The following ZNF729 variants were observed in gnomAD, a reference collection of about 807,000 sequenced individuals.
ZNF729 encodes the protein zinc finger protein 729.
In ZNF729, 15 loss-of-function variants were observed where a neutral mutation model predicts 12.2. That is an observed-to-expected ratio of 1.23 (90% CI 0.82 to 1.89). The LOEUF (loss-of-function observed/expected upper bound fraction) is 1.89. Among genes scored for constraint, ZNF729 ranks in the 40% most tolerant of loss-of-function variants. The pLI is 0.00. For missense variants in ZNF729, 1,540 were observed against 1,456.7 expected (o/e 1.06, Z -0.93); for synonymous variants, 492 against 476.3 (o/e 1.03, Z -0.43).
chr19:22,287,822 C>G (rs1199963553), intron 1 of ZNF729, among the ~76,000 whole-genome samples: 1 of 151,448 alleles, frequency 6.6e-6, no homozygotes, highest in Non-Finnish European at 1.5e-5. Context: ...CAATTTTTTC[C>G]TCTCTGATTC....
At chr19:22,298,868 T>A (rs1374377023) in intron 1 of ZNF729, 1 of 152,122 alleles carries the variant, frequency 6.6e-6, no homozygotes, top group African/African-American at 2.4e-5. Flanking sequence ...ACAGGAGAAA[T>A]AAACACAGAT....
At position 22,316,299 on chromosome 19, in the gene ZNF729, A is replaced by T; in HGVS notation, c.2882A>T (p.Lys961Met). The change falls in exon 4 of 4, where the codon AAG becomes ATG. Residue 961 changes from lysine to methionine, a missense_variant. Lys to Met is a moderately conservative substitution (Grantham distance 95). Transcript: ENST00000601693. Reference protein sequence around the residue: ...LMKHKIIHTGKKPYKCAECGK... With the variant: ...LMKHKIIHTGMKPYKCAECGK... Reference sequence around the variant, plus strand: ...AAGCATAAGATAATTCATACTGGGAAGAAACCATACAAATGTGCAGAATGT... The same window carrying T: ...AAGCATAAGATAATTCATACTGGGATGAAACCATACAAATGTGCAGAATGT... The T allele has an allele frequency of 6.2e-7, 1 of 1,613,706 alleles. No individual in the cohort carries two copies. Among genetic ancestry groups the T allele is most frequent in the Non-Finnish European group, 8.5e-7 (1 of 1,179,726 alleles).
Position 22,313,965 on chromosome 19 carries a change from T to C in ZNF729, c.548T>C (p.Ile183Thr), listed in dbSNP as rs1198662267. Residue 183 changes from isoleucine (I) to threonine (T), a missense_variant, in exon 4 of 4, where the codon ATA (isoleucine) becomes ACA (threonine). Ile to Thr is a moderately conservative substitution (Grantham distance 89). Coordinates refer to ENST00000601693, the MANE Select transcript of ZNF729 (RefSeq NM_001242680.2). Reference protein sequence around the residue: ...RHTKKKTFKCIKCSKSFFMLS... With the variant: ...RHTKKKTFKCTKCSKSFFMLS... ...ACTAAAAAGAAAACTTTCAAATGTATAAAATGTAGCAAATCATTTTTCATG... is the reference window on the plus strand; with the variant it reads ...ACTAAAAAGAAAACTTTCAAATGTACAAAATGTAGCAAATCATTTTTCATG... 4 of 1,537,916 alleles carry C rather than the reference T, an allele frequency of 2.6e-6. No homozygotes were observed. Among genetic ancestry groups the C allele is most frequent in the East Asian group, 4.9e-5 (2 of 40,822 alleles).
chr19:22,315,437 C>G lies in ZNF729; in HGVS notation c.2020C>G (p.His674Asp), dbSNP rs201806596. ...AFSHFSALRRHKIIHTGKKPY... is the reference protein window; with the variant it reads ...AFSHFSALRRDKIIHTGKKPY... Reference sequence around the variant, plus strand: ...TAGCCATTTCTCAGCCCTTAGAAGACATAAGATAATTCATACTGGAAAGAA... The same window carrying G: ...TAGCCATTTCTCAGCCCTTAGAAGAGATAAGATAATTCATACTGGAAAGAA... Residue 674 changes from histidine to aspartate, a missense_variant, in exon 4 of 4, where the codon CAT (histidine) becomes GAT (aspartate). Coordinates refer to ENST00000601693, the MANE Select transcript of ZNF729 (RefSeq NM_001242680.2). 13 of 1,612,420 alleles carry G rather than the reference C, an allele frequency of 8.1e-6. No homozygotes were observed. Among genetic ancestry groups the G allele is most frequent in the Non-Finnish European group, 9.3e-6 (11 of 1,179,438 alleles).
At chr19:22,289,624 T>C (rs1186431177) in intron 1 of ZNF729, among the ~76,000 whole-genome samples, 1 of 152,174 alleles carries the variant, frequency 6.6e-6, no homozygotes, top group African/African-American at 2.4e-5. Context: ...GCTTAACTTT[T>C]AGAATGCTAC....
At chr19:22,295,118 ATGT>A (rs1968212321) in intron 1 of ZNF729, among the ~76,000 whole-genome samples, 1 of 150,460 alleles carries the variant, frequency 6.6e-6, no homozygotes, top group Non-Finnish European at 1.5e-5. Flanking sequence ...TTTGGCTTGC[ATGT>A]TGTTAATATA....
At chr19:22,301,556 A>T (rs1968305011) in intron 1 of ZNF729, among the ~76,000 whole-genome samples, 1 of 152,294 alleles carries the variant, frequency 6.6e-6, no homozygotes, top group Admixed American at 6.5e-5. Flanking sequence ...CCAAACTTTG[A>T]ATTGAGAGTA....
chr19:22,295,719 A>T (rs553708624), intron 1 of ZNF729, among the ~76,000 whole-genome samples: 1 of 152,280 alleles, frequency 6.6e-6, no homozygotes, highest in South Asian at 2.1e-4. Flanking sequence ...GTTTTCAAAG[A>T]TAAACGCTTT....
intron 3 of ZNF729, among the ~76,000 whole-genome samples, chr19:22,310,826 C>T (rs1968441792): frequency 6.6e-6 from 1 of 152,002 alleles, no homozygotes; most frequent in South Asian, 2.1e-4. Flanking sequence ...TGGTCCTAGA[C>T]TTTTTTTGTG....
chr19:22,314,743 C>A lies in ZNF729; in HGVS notation c.1326C>A (p.Asn442Lys), dbSNP rs1359970456. ...GTGAAGAATGTGGCAAAGCTTTTAACAGTTCCTCAACCCTTATGAAACATA... is the reference window on the plus strand; with the variant it reads ...GTGAAGAATGTGGCAAAGCTTTTAAAAGTTCCTCAACCCTTATGAAACATA... ...YKCEECGKAFNSSSTLMKHKI... is the reference protein window; with the variant it reads ...YKCEECGKAFKSSSTLMKHKI... The change falls in exon 4 of 4, where the codon AAC becomes AAA. Residue 442 changes from asparagine (N) to lysine (K), a missense_variant. Asn to Lys is a moderately conservative substitution (Grantham distance 94). Transcript: ENST00000601693. 1 of 1,612,592 alleles carries A rather than the reference C, an allele frequency of 6.2e-7. No individual in the cohort carries two copies. The highest frequency in any genetic ancestry group is 1.3e-5 in the African/African-American group (1 of 74,656).
intron 1 of ZNF729, among the ~76,000 whole-genome samples, chr19:22,288,890 T>C (rs1271392398): frequency 6.6e-6 from 1 of 152,046 alleles, no homozygotes; most frequent in Non-Finnish European, 1.5e-5. Flanking sequence ...AAAACAGTGA[T>C]CCAGTGAGAT....
chr19:22,293,048 A>G (rs1454975093), intron 1 of ZNF729, among the ~76,000 whole-genome samples: 9 of 152,200 alleles, frequency 5.9e-5, no homozygotes, highest in Admixed American at 1.3e-4. Flanking sequence ...TTGTAATAAC[A>G]GCCATTTTGA....
chr19:22,305,400 A>G (rs1387832138), intron 3 of ZNF729, among the ~76,000 whole-genome samples: 21 of 152,108 alleles, frequency 1.4e-4, no homozygotes, highest in Admixed American at 1.4e-3. Context: ...TGAATTTTCT[A>G]TTTTTTATTA....
intron 3 of ZNF729, among the ~76,000 whole-genome samples, chr19:22,307,486 G>A (rs1394269270): frequency 6.6e-6 from 1 of 151,436 alleles, no homozygotes; most frequent in East Asian, 1.9e-4. Flanking sequence ...GCTTATGCCT[G>A]TAATCCCAGC....
At chr19:22,291,311 T>TA (rs1039219910) in intron 1 of ZNF729, among the ~76,000 whole-genome samples, 7 of 152,222 alleles carry the variant, frequency 4.6e-5, no homozygotes, top group South Asian at 2.1e-4. Flanking sequence ...TGAGAGAGGA[T>TA]AAAAACTTAG....
intron 1 of ZNF729, among the ~76,000 whole-genome samples, chr19:22,300,893 A>G (rs7245650): frequency 0.46 from 70,342 of 151,986 alleles, 16,778 homozygotes; most frequent in Middle Eastern, 0.56. Context: ...ATCCATTCAG[A>G]ACCTAAAACT....
chr19:22,304,812 A>G (rs1272216872), intron 3 of ZNF729, 29 bp downstream of exon 3: 2 of 1,606,146 alleles, frequency 1.2e-6, no homozygotes, highest in Non-Finnish European at 1.7e-6. Flanking sequence ...AACAGACAAC[A>G]CAGATAAGAG....
In ZNF729 at chr19:22,315,029, C is replaced by G. The variant is rs1568577729; in HGVS notation, c.1612C>G (p.His538Asp). The change falls in exon 4 of 4, where the codon CAT becomes GAT. Residue 538 changes from histidine (H) to aspartate (D), a missense_variant. Coordinates refer to ENST00000601693, the MANE Select transcript of ZNF729 (RefSeq NM_001242680.2). Reference sequence around the variant, plus strand: ...AACCCTTAGAAACCATCAGATAATTCATACTGGAGAGAAACCCTACAAATG... The same window carrying G: ...AACCCTTAGAAACCATCAGATAATTGATACTGGAGAGAAACCCTACAAATG... The part of the protein sequence containing the change: ...SSTLRNHQII[H>D]TGEKPYKCEE... 6.2e-7 allele frequency: 1 copy of G among 1,611,472 alleles called. No individual in the cohort carries two copies. The highest frequency in any genetic ancestry group is 8.5e-7 in the Non-Finnish European group (1 of 1,179,754).
Position 22,314,413 on chromosome 19 carries a change from C to T in ZNF729, c.996C>T (p.Phe332=). Residue 332 remains phenylalanine (F), a synonymous_variant, in exon 4 of 4, where the codon TTC becomes TTT. Transcript: ENST00000601693. ...ATTGTGGCAAAACTTTTAACCATTTCTCAGCCCTTAGAAAACATAAGATAA... is the reference window on the plus strand; with the variant it reads ...ATTGTGGCAAAACTTTTAACCATTTTTCAGCCCTTAGAAAACATAAGATAA... ...CEDCGKTFNH[F]SALRKHKIIH... 1 of 1,590,928 alleles carries T rather than the reference C, an allele frequency of 6.3e-7. No individual in the cohort carries two copies. Among genetic ancestry groups the T allele is most frequent in the Non-Finnish European group, 8.6e-7 (1 of 1,165,944 alleles).
Sources: gnomAD v4.1 joint callset for allele counts (sites outside exome capture counted in the v4.1 genomes callset) on GRCh38, gnomAD v4.1.1 for gene constraint, MANE v1.5 for transcripts, NCBI Gene and HGNC (gene_info 2026-07-23, HGNC 2026-07-21) for gene names.